Variants in MSI2 observed in about 807,000 individuals in gnomAD.
The protein encoded by MSI2 is RNA-binding protein Musashi homolog 2.
A neutral mutation model predicts 45.6 loss-of-function variants in MSI2; 17 were observed. The observed-to-expected ratio is 0.37, with a 90% confidence interval of 0.26 to 0.56. The LOEUF is 0.56. MSI2 is among the 20% of genes least tolerant of loss of function. The pLI, the probability that MSI2 is intolerant of heterozygous loss-of-function variation, is 0.77. For missense variants in MSI2, 293 were observed against 444.2 expected, an observed-to-expected ratio of 0.66 and a Z score of 3.06; for synonymous variants, 156 against 158.2, an observed-to-expected ratio of 0.99 and a Z score of 0.11.
intron 7 of MSI2, among the ~76,000 whole-genome samples, chr17:57,554,082 T>C (rs926673359): frequency 6.6e-6 from 1 of 152,064 alleles, no homozygotes; most frequent in Non-Finnish European, 1.5e-5. Flanking sequence ...ACCTCTGCAC[T>C]CCTTCCTGCT....
At chr17:57,325,977 T>A (rs1332825183) in intron 5 of MSI2, among the ~76,000 whole-genome samples, 1 of 152,176 alleles carries the variant, frequency 6.6e-6, no homozygotes, top group Non-Finnish European at 1.5e-5. Context: ...TGCCTTTGCA[T>A]CTGCTGGTCC....
chr17:57,692,131 C>G, the MSI2 span, among the ~76,000 whole-genome samples: 1 of 152,138 alleles, frequency 6.6e-6, no homozygotes, highest in Non-Finnish European at 1.5e-5. Context: ...ATACTTTAAT[C>G]TGCTGATATT....
intron 5 of MSI2, among the ~76,000 whole-genome samples, chr17:57,304,287 G>T (rs1475410214): frequency 1.3e-5 from 2 of 149,196 alleles, no homozygotes; most frequent in African/African-American, 4.9e-5. Flanking sequence ...AACCCAGGAG[G>T]TGGAGGTTGC....
chr17:57,447,599 G>T (rs2084924053), intron 6 of MSI2, among the ~76,000 whole-genome samples: 2 of 151,452 alleles, frequency 1.3e-5, no homozygotes. Flanking sequence ...TGGGGGGGGT[G>T]TCTCAGGTTT....
chr17:57,640,702 G>A (rs998920968), intron 10 of MSI2, among the ~76,000 whole-genome samples: 115 of 152,156 alleles, frequency 7.6e-4, no homozygotes, highest in Admixed American at 5.7e-3. Flanking sequence ...TTTAACCACC[G>A]TTGTGTACTA....
chr17:57,595,726 G>A (rs1049467570), intron 7 of MSI2, among the ~76,000 whole-genome samples: 6 of 152,026 alleles, frequency 3.9e-5, no homozygotes, highest in South Asian at 4.2e-4. Flanking sequence ...GAATCTGGGT[G>A]GGGGGTCGGG....
chr17:57,692,679 G>A, the MSI2 span, among the ~76,000 whole-genome samples: 1 of 151,912 alleles, frequency 6.6e-6, no homozygotes, highest in Non-Finnish European at 1.5e-5. Context: ...ACTTTTGGAA[G>A]ATACTTTTGC....
In MSI2 at chr17:57,597,120, T is replaced by A. The variant is rs141110697; in HGVS notation, c.537+170T>A. ...CAGTAGCAGTTGTTTCATACTGAGG[T>A]GGACAAACTCTGTAAAGGGCCAAGT... On this transcript the variant is annotated intron_variant, in intron 8 of 13. Coordinates refer to ENST00000284073, the MANE Select transcript of MSI2 (RefSeq NM_138962.4). Among the ~76,000 whole-genome samples the A allele has an allele frequency of 2.1e-3, 324 of 151,924 alleles. 2 individuals are homozygous for A. The highest frequency in any genetic ancestry group is 0.014 in the South Asian group (68 of 4,802).
At chr17:57,518,963 G>A (rs772717261) in intron 6 of MSI2, among the ~76,000 whole-genome samples, 4 of 151,866 alleles carry the variant, frequency 2.6e-5, no homozygotes, top group African/African-American at 4.8e-5. Context: ...TTCCCTCATC[G>A]CCTCCTCTCT....
chr17:57,537,405 C>G (rs2086944103), intron 7 of MSI2, among the ~76,000 whole-genome samples: 1 of 152,214 alleles, frequency 6.6e-6, no homozygotes, highest in African/African-American at 2.4e-5. Flanking sequence ...TGCCATCTTT[C>G]AGAGACCAGC....
At chr17:57,559,483 G>A (rs1427642353) in intron 7 of MSI2, among the ~76,000 whole-genome samples, 2 of 152,220 alleles carry the variant, frequency 1.3e-5, no homozygotes, top group African/African-American at 4.8e-5. Flanking sequence ...CTTGGCAGAA[G>A]ATGACACATG....
chr17:57,417,421 G>A (rs1349425457), intron 6 of MSI2, among the ~76,000 whole-genome samples: 1 of 152,144 alleles, frequency 6.6e-6, no homozygotes, highest in East Asian at 1.9e-4. Context: ...AGAGCAAGGA[G>A]GGAGGCAGTT....
At chr17:57,647,307 G>A (rs1910745247) in intron 10 of MSI2, among the ~76,000 whole-genome samples, 1 of 148,206 alleles carries the variant, frequency 6.7e-6, no homozygotes, top group Admixed American at 6.7e-5. Flanking sequence ...AAAATAGCCA[G>A]GAGTGGTGGC....
At chr17:57,415,334 G>A (rs977841845) in intron 6 of MSI2, among the ~76,000 whole-genome samples, 1 of 150,810 alleles carries the variant, frequency 6.6e-6, no homozygotes, top group Non-Finnish European at 1.5e-5. Flanking sequence ...CGAATGAACC[G>A]AATTTGCCAT....
chr17:57,441,767 A>G (rs564800149), intron 6 of MSI2, among the ~76,000 whole-genome samples: 54 of 152,308 alleles, frequency 3.5e-4, no homozygotes, highest in South Asian at 6.2e-4. Flanking sequence ...ATGTAGATTA[A>G]TTGCCATATG....
intron 5 of MSI2, among the ~76,000 whole-genome samples, chr17:57,333,541 G>T (rs1199244873): frequency 6.6e-6 from 1 of 151,504 alleles, no homozygotes; most frequent in Non-Finnish European, 1.5e-5. Flanking sequence ...GGGTTCAAGC[G>T]ATTCTCCTGC....
At chr17:57,539,350 A>G (rs1013392591) in intron 7 of MSI2, among the ~76,000 whole-genome samples, 2 of 151,884 alleles carry the variant, frequency 1.3e-5, no homozygotes, top group Admixed American at 1.3e-4. Context: ...TCCAATTTGA[A>G]TTGTCAATGC....
At chr17:57,313,033 G>A (rs1912529381) in intron 5 of MSI2, among the ~76,000 whole-genome samples, 1 of 152,156 alleles carries the variant, frequency 6.6e-6, no homozygotes, top group South Asian at 2.1e-4. Flanking sequence ...TTTTAGTAGA[G>A]ACGGGGTTTC....
At chr17:57,426,783 CCTT>C (rs2084500497) in intron 6 of MSI2, among the ~76,000 whole-genome samples, 1 of 152,202 alleles carries the variant, frequency 6.6e-6, no homozygotes, top group South Asian at 2.1e-4. Flanking sequence ...TTGATAAAAA[CCTT>C]CTCCAGAGAA....
Sources: gnomAD v4.1 joint callset for allele counts (sites outside exome capture counted in the v4.1 genomes callset) on GRCh38, gnomAD v4.1.1 for gene constraint, MANE v1.5 for transcripts, NCBI Gene and HGNC (gene_info 2026-07-23, HGNC 2026-07-21) for gene names.